The following FKRP variants were observed in gnomAD, a reference collection of about 807,000 sequenced individuals.
FKRP encodes ribitol 5-phosphate transferase FKRP.
A neutral mutation model predicts 30.6 loss-of-function variants in FKRP; 25 were observed. That is an observed-to-expected ratio of 0.82 (90% CI 0.60 to 1.14). The LOEUF is 1.14. Among genes scored for constraint, FKRP ranks in the 50% most tolerant of loss-of-function variants. The pLI is 0.00. For missense variants in FKRP, 771 were observed against 727.8 expected (o/e 1.06, Z -0.68); for synonymous variants, 358 against 342.5 (o/e 1.05, Z -0.50).
rs1293666309 is a variant in FKRP, at chr19:46,746,063, T to A, written c.-280T>A. On this transcript the variant is annotated 5_prime_UTR_variant, in exon 1 of 4. Transcript: ENST00000318584. ...CGCCGGCCGTCCCGGCGGCCATTGC[T>A]CCAAGATGGCGGCGGCGGCGGCAGC... 8.9e-7 allele frequency: 1 copy of A among 1,125,734 alleles called. No homozygotes were observed. Among genetic ancestry groups the A allele is most frequent in the Non-Finnish European group, 1.1e-6 (1 of 893,574 alleles). The allele number at this position is 1,125,734 out of a possible 1,614,324, so 69.7% of individuals were successfully genotyped here.
intron 1 of FKRP, chr19:46,746,511 C>A: frequency 3.7e-6 from 3 of 819,580 alleles, no homozygotes; most frequent in Non-Finnish European, 4.4e-6. Flanking sequence ...CCCTCCCCCG[C>A]CGCAACCACC....
At chr19:46,746,255 C>A (rs2054607113) in intron 1 of FKRP, 165 bp downstream of exon 1, 1 of 1,496,614 alleles carries the variant, frequency 6.7e-7, no homozygotes, top group Non-Finnish European at 8.8e-7. Flanking sequence ...GGGCTCCGGG[C>A]CCGCCGTGGG....
upstream of FKRP, chr19:46,745,840 T>G: frequency 3.7e-6 from 1 of 273,772 alleles, no homozygotes; most frequent in East Asian, 8.0e-5. Flanking sequence ...TCAGTCCCAG[T>G]CCCAGTCCCA....
At position 46,757,313 on chromosome 19, in the gene FKRP, G is replaced by C. The variant is rs1327029492; in HGVS notation, c.*375G>C. 6 of 339,040 alleles carry C rather than the reference G, an allele frequency of 1.8e-5. No individual in the cohort carries two copies. Among genetic ancestry groups the C allele is most frequent in the Non-Finnish European group, 3.6e-5 (6 of 168,204 alleles). 21.0% of individuals were successfully genotyped at this position (339,040 alleles called of 1,614,324 possible). A position where few individuals can be genotyped will look rare whatever the true frequency, so the allele number is the denominator to read the frequency against. On this transcript the variant is annotated 3_prime_UTR_variant, in exon 4 of 4. Coordinates refer to ENST00000318584, the MANE Select transcript of FKRP (RefSeq NM_024301.5). ...CGAGAGCCCTGCGCTCTAGGGCAGGGGCAGAGTTTTGGAAACAGTGCAGGC... is the reference window on the plus strand; with the variant it reads ...CGAGAGCCCTGCGCTCTAGGGCAGGCGCAGAGTTTTGGAAACAGTGCAGGC...
chr19:46,750,041 T>A, intron 3 of FKRP, among the ~76,000 whole-genome samples: 1 of 151,996 alleles, frequency 6.6e-6, no homozygotes, highest in Non-Finnish European at 1.5e-5. Context: ...AATGTGATCA[T>A]AACACGAGGA....
upstream of FKRP, among the ~76,000 whole-genome samples, chr19:46,744,769 G>T (rs2054544518): frequency 6.6e-6 from 1 of 151,622 alleles, no homozygotes; most frequent in South Asian, 2.1e-4. Context: ...GGGGAAAGGT[G>T]GGCTGCTACA....
chr19:46,756,312 G>C lies in FKRP; in HGVS notation c.862G>C (p.Gly288Arg), dbSNP rs1222837977. Residue 288 changes from glycine to arginine, a missense_variant, in exon 4 of 4, where the codon GGC becomes CGC. Gly to Arg is a moderately radical substitution (Grantham distance 125, BLOSUM62 -2). Transcript: ENST00000318584. The surrounding 1 kb of genome is among the most constrained non-coding windows in gnomAD (Gnocchi z 6.6). ...SWEGGRLEWF[G>R]CNKETTRCFG... The stretch of plus-strand genomic sequence containing the variant: ...GGAAGGCGGGCGGCTGGAGTGGTTC[G>C]GCTGCAACAAGGAGACCACGCGCTG... The C allele has an allele frequency of 1.9e-6, 3 of 1,549,184 alleles. No individual in the cohort carries two copies. Among genetic ancestry groups the C allele is most frequent in the East Asian group, 2.4e-5 (1 of 41,952 alleles).
At chr19:46,753,333 T>C (rs1297704417) in intron 3 of FKRP, among the ~76,000 whole-genome samples, 1 of 149,624 alleles carries the variant, frequency 6.7e-6, no homozygotes, top group Non-Finnish European at 1.5e-5. Context: ...GGCGCATGCC[T>C]GTAATCCCAG....
At position 46,755,464 on chromosome 19, in the gene FKRP, G is replaced by A; in HGVS notation, c.14G>A (p.Arg5His). The A allele has an allele frequency of 8.7e-6, 14 of 1,606,856 alleles. No homozygotes were observed. Among genetic ancestry groups the A allele is most frequent in the Non-Finnish European group, 1.1e-5 (13 of 1,179,142 alleles). Residue 5 changes from arginine (R) to histidine (H), a missense_variant, in exon 4 of 4, where the codon CGC becomes CAC. Coordinates refer to ENST00000318584, the MANE Select transcript of FKRP (RefSeq NM_024301.5). MRLT[R>H]CQAALAAAIT... ...GACTTCGGCCCCATGCGGCTCACCC[G>A]CTGCCAGGCTGCCCTGGCGGCCGCC...
Position 46,755,381 on chromosome 19 carries a change from T to A in FKRP, c.-39-31T>A, listed in dbSNP as rs1477964487. The A allele has an allele frequency of 6.4e-6, 9 of 1,415,734 alleles. No individual in the cohort carries two copies. The East Asian group carries it at 2.0e-4, about 31-fold the overall frequency. The allele number at this position is 1,415,734 out of a possible 1,614,324, so 87.7% of individuals were successfully genotyped here. A position where few individuals can be genotyped will look rare whatever the true frequency, so the allele number is the denominator to read the frequency against. ...GAAGGGGGTGGTTCTGACAATCAGC[T>A]GCTGCCTTCCCTTTCGTCCCCCTCC... is the stretch of plus-strand genomic sequence containing the variant. On this transcript the variant is annotated intron_variant, in intron 3 of 3. Coordinates refer to ENST00000318584, the MANE Select transcript of FKRP (RefSeq NM_024301.5).
chr19:46,751,785 T>TGGCCAACTGTTCAGTAAAAAC (rs2054799099), intron 3 of FKRP, among the ~76,000 whole-genome samples: 1 of 151,924 alleles, frequency 6.6e-6, no homozygotes, highest in African/African-American at 2.4e-5. Context: ...CAGGCTGGTC[T>TGGCCAACTGTTCAGTAAAAAC]TGAACTCCTG....
intron 2 of FKRP, among the ~76,000 whole-genome samples, chr19:46,748,313 G>A (rs190514804): frequency 6.6e-6 from 1 of 152,194 alleles, no homozygotes; most frequent in East Asian, 1.9e-4. Flanking sequence ...GAGTAGCTGG[G>A]ATTACAGGCA....
rs569440158 is a variant in FKRP at position 46,746,401 on chromosome 19, G to T, written c.-253+311G>T. On this transcript the variant is annotated intron_variant, in intron 1 of 3. Transcript: ENST00000318584. ...GACGGCAGGAGGAGGCGGCGGCGGCGACCGCGGCGGCCGCTCGCTCCTCCA... is the reference window on the plus strand; with the variant it reads ...GACGGCAGGAGGAGGCGGCGGCGGCTACCGCGGCGGCCGCTCGCTCCTCCA... 3.0e-3 allele frequency: 3,184 copies of T among 1,060,528 alleles called. 73 individuals are homozygous for T. In the African/African-American group the frequency reaches 0.051, roughly 17 times the overall value. 65.7% of individuals were successfully genotyped at this position (1,060,528 alleles called of 1,614,324 possible).
chr19:46,746,046 G>GGCCCGGCGGCCCTTGC, upstream of FKRP: 1 of 1,042,096 alleles, frequency 9.6e-7, no homozygotes, highest in Non-Finnish European at 1.2e-6. Flanking sequence ...CCCGCCGGCC[G>GGCCCGGCGGCCCTTGC]TCCCGGCGGC....
upstream of FKRP, chr19:46,746,029 C>A (rs1212462480): frequency 4.1e-6 from 5 of 1,219,596 alleles, no homozygotes; most frequent in African/African-American, 4.9e-5. Flanking sequence ...CGGTCCCCTC[C>A]CGCCCCCCCG....
In FKRP at chr19:46,755,843, T is replaced by G; in HGVS notation, c.393T>G (p.Asp131Glu). 1 of 1,497,558 alleles carries G rather than the reference T, an allele frequency of 6.7e-7. No homozygotes were observed. The allele number at this position is 1,497,558 out of a possible 1,614,324, so 92.8% of individuals were successfully genotyped here. ...CCGAGTTTGTGGCCCTAGTACCTGA[T>G]GGGGCGCGGGCTGAGGCACCTGGCC... ...VATEFVALVPDGARAEAPGLL... is the reference protein window; with the variant it reads ...VATEFVALVPEGARAEAPGLL... Residue 131 changes from aspartate (D) to glutamate (E), a missense_variant, in exon 4 of 4, where the codon GAT becomes GAG. Transcript: ENST00000318584.
At chr19:46,745,135 T>C (rs1281101256), upstream of FKRP, among the ~76,000 whole-genome samples, 1 of 149,922 alleles carries the variant, frequency 6.7e-6, no homozygotes, top group African/African-American at 2.5e-5. Flanking sequence ...CCCTAACTCG[T>C]CCTCATTGGC....
In FKRP at chr19:46,749,209, G is replaced by T. The variant is rs554818124; in HGVS notation, c.-40+544G>T. ...AGCCAAGCTTTGAAAGCCCCTGTCA[G>T]GTTAGGGCTGGGGAAGGCTCACTAA... is the stretch of plus-strand genomic sequence containing the variant. On this transcript the variant is annotated intron_variant, in intron 3 of 3. Transcript: ENST00000318584. Among the ~76,000 whole-genome samples, 5 of 152,240 alleles carry T rather than the reference G, an allele frequency of 3.3e-5. No homozygotes were observed. In the East Asian group the frequency reaches 9.6e-4, roughly 29 times the overall value.
Position 46,754,746 on chromosome 19 carries a change from C to T in FKRP, c.-39-666C>T, listed in dbSNP as rs188942138. ...TCAGCCTCCTGAGTAGCTGGGCTTA[C>T]AGGCACCCGCCCTCACACCCAGCTA... On this transcript the variant is annotated intron_variant, in intron 3 of 3. Transcript: ENST00000318584. 2.2e-3 allele frequency among the ~76,000 whole-genome samples: 334 copies of T among 151,328 alleles called. 8 individuals are homozygous for T. Among genetic ancestry groups the T allele is most frequent in the African/African-American group, 7.8e-3 (319 of 40,654 alleles).
Sources: allele counts gnomAD v4.1 joint callset (sites outside exome capture counted in the v4.1 genomes callset), GRCh38; gene constraint gnomAD v4.1.1; non-coding constraint Gnocchi (gnomAD v3.1); transcripts MANE v1.5; gene names NCBI Gene and HGNC (gene_info 2026-07-23, HGNC 2026-07-21).